DCAF7: variants seen among roughly 807,000 people sequenced by gnomAD.
The protein encoded by DCAF7 is DDB1- and CUL4-associated factor 7.
Under a neutral mutation model 41.2 loss-of-function variants are expected in DCAF7, and 4 were observed. The ratio of observed to expected loss-of-function variants is 0.10; its 90% CI spans 0.05 to 0.22. The LOEUF (loss-of-function observed/expected upper bound fraction) is 0.22. Ranked by LOEUF, DCAF7 falls within the 10% of genes least tolerant of loss-of-function variation. The pLI is 1.00. For synonymous variants in DCAF7, 143 were observed against 164.2 expected (o/e 0.87, Z 0.99); for missense variants, 131 against 443.2 (o/e 0.30, Z 6.32).
intron 1 of DCAF7, among the ~76,000 whole-genome samples, chr17:63,563,814 C>CAAATAAAT (rs138884947): frequency 5.8e-4 from 86 of 148,732 alleles, no homozygotes; most frequent in Admixed American, 1.2e-3. Flanking sequence ...GATTCTGTCT[C>CAAATAAAT]AAATAAATAA....
intron 1 of DCAF7, among the ~76,000 whole-genome samples, chr17:63,555,736 A>T (rs2033304139): frequency 2.6e-5 from 4 of 152,172 alleles, no homozygotes; most frequent in Admixed American, 2.6e-4. Flanking sequence ...CTTTTTCTAG[A>T]CAGTGAGAGG....
At chr17:63,584,451 G>A (rs1474529794) in intron 5 of DCAF7, among the ~76,000 whole-genome samples, 1 of 151,176 alleles carries the variant, frequency 6.6e-6, no homozygotes, top group Admixed American at 6.6e-5. Context: ...CTGGGAGATA[G>A]AGCAAGACTC....
intron 1 of DCAF7, among the ~76,000 whole-genome samples, chr17:63,553,833 GTTCC>G (rs1425672158): frequency 2.0e-5 from 3 of 152,212 alleles, no homozygotes; most frequent in Non-Finnish European, 4.4e-5. Flanking sequence ...ACTTCCAGGT[GTTCC>G]TTCATGTGAA....
At chr17:63,581,822 C>A (rs1331689780) in intron 4 of DCAF7, among the ~76,000 whole-genome samples, 1 of 152,194 alleles carries the variant, frequency 6.6e-6, no homozygotes, top group African/African-American at 2.4e-5. Flanking sequence ...TTTTCTCAGT[C>A]CACCTTTCTC....
intron 1 of DCAF7, among the ~76,000 whole-genome samples, chr17:63,568,866 T>G (rs1014784371): frequency 1.3e-5 from 2 of 152,344 alleles, no homozygotes; most frequent in Middle Eastern, 3.4e-3. Context: ...CAGCTTTCCC[T>G]GCAGCTCCAT....
intron 6 of DCAF7, among the ~76,000 whole-genome samples, chr17:63,586,282 A>G (rs541904988): frequency 1.8e-4 from 27 of 151,884 alleles, no homozygotes; most frequent in Admixed American, 3.9e-4. Context: ...GTGAGACCTC[A>G]TCTCTACAGA....
chr17:63,565,180 A>G (rs1182749997), intron 1 of DCAF7, among the ~76,000 whole-genome samples: 1 of 152,204 alleles, frequency 6.6e-6, no homozygotes, highest in Non-Finnish European at 1.5e-5. Context: ...AGAAAGAGAT[A>G]TCCACAACCC....
At chr17:63,577,032 G>A (rs1257348589) in intron 1 of DCAF7, among the ~76,000 whole-genome samples, 1 of 152,190 alleles carries the variant, frequency 6.6e-6, no homozygotes, top group Admixed American at 6.5e-5. Flanking sequence ...GTGTACTGAT[G>A]AAAGTAGCCA....
At chr17:63,582,351 C>T (rs1424379833) in intron 4 of DCAF7, among the ~76,000 whole-genome samples, 1 of 152,118 alleles carries the variant, frequency 6.6e-6, no homozygotes, top group Non-Finnish European at 1.5e-5. Context: ...AAATTCTAGT[C>T]GTGTCTCCCC....
chr17:63,557,786 A>G (rs2147758928), intron 1 of DCAF7, among the ~76,000 whole-genome samples: 1 of 152,386 alleles, frequency 6.6e-6, no homozygotes, highest in Admixed American at 6.5e-5. Context: ...AAAGATTTGA[A>G]GTGATAAGTT....
At chr17:63,558,326 T>C (rs2033332790) in intron 1 of DCAF7, among the ~76,000 whole-genome samples, 1 of 152,206 alleles carries the variant, frequency 6.6e-6, no homozygotes, top group African/African-American at 2.4e-5. Context: ...CATGGAGCAA[T>C]GTCTAGGAAT....
At chr17:63,579,295 G>A in intron 2 of DCAF7, 42 bp from the exon 3 acceptor site, 1 of 1,408,750 alleles carries the variant, frequency 7.1e-7, no homozygotes, top group Non-Finnish European at 9.8e-7. Context: ...TTTTTATGAG[G>A]ATAAGACTGG....
Position 63,589,264 on chromosome 17 carries a change from C to T in DCAF7, c.*92C>T, listed in dbSNP as rs914928620. 6.5e-7 allele frequency: 1 copy of T among 1,533,364 alleles called. No individual in the cohort carries two copies. The highest frequency in any genetic ancestry group is 8.9e-7 in the Non-Finnish European group (1 of 1,121,896). 95.0% of individuals were successfully genotyped at this position (1,533,364 alleles called of 1,614,324 possible). A position where few individuals can be genotyped will look rare whatever the true frequency, so the allele number is the denominator to read the frequency against. On this transcript the variant is annotated 3_prime_UTR_variant, in exon 7 of 7. Coordinates refer to ENST00000614556, the MANE Select transcript of DCAF7 (RefSeq NM_005828.5). ...TAAGAAGAAACATGTTTCCAGTGGCCAGTATGTCTTTCATTGCTTTGCACC... is the reference window on the plus strand; with the variant it reads ...TAAGAAGAAACATGTTTCCAGTGGCTAGTATGTCTTTCATTGCTTTGCACC...
At chr17:63,580,817 C>T (rs986020145) in intron 4 of DCAF7, among the ~76,000 whole-genome samples, 3 of 152,062 alleles carry the variant, frequency 2.0e-5, no homozygotes, top group African/African-American at 4.8e-5. Context: ...CCACTGCGCC[C>T]GGCCAATTGC....
At chr17:63,557,721 C>T (rs1258860586) in intron 1 of DCAF7, among the ~76,000 whole-genome samples, 6 of 152,046 alleles carry the variant, frequency 3.9e-5, no homozygotes, top group African/African-American at 1.5e-4. Flanking sequence ...TAAAGAAGAA[C>T]TTAGAAGTAA....
intron 2 of DCAF7, among the ~76,000 whole-genome samples, chr17:63,578,980 T>C (rs751314502): frequency 1.3e-5 from 2 of 152,192 alleles, no homozygotes; most frequent in Admixed American, 6.5e-5. Context: ...TGATAAAGTG[T>C]GTGAGTGGAT....
chr17:63,559,385 A>G (rs1165044171), intron 1 of DCAF7, among the ~76,000 whole-genome samples: 464 of 44,708 alleles, frequency 0.01, 14 homozygotes, highest in African/African-American at 0.037. Flanking sequence ...GTGTATATAT[A>G]TGTATATATA....
chr17:63,559,201 C>T (rs1228486544), intron 1 of DCAF7, among the ~76,000 whole-genome samples: 1 of 150,444 alleles, frequency 6.6e-6, no homozygotes, highest in African/African-American at 2.5e-5. Flanking sequence ...ATCCTCGCTA[C>T]TTGGGAGGCT....
chr17:63,584,709 C>T (rs760955517), intron 5 of DCAF7, among the ~76,000 whole-genome samples: 4 of 152,168 alleles, frequency 2.6e-5, no homozygotes, highest in African/African-American at 4.8e-5. Context: ...TTGCAGTGAG[C>T]GGAGATCATG....
Sources: allele counts gnomAD v4.1 joint callset (sites outside exome capture counted in the v4.1 genomes callset), GRCh38; gene constraint gnomAD v4.1.1; transcripts MANE v1.5; gene names NCBI Gene and HGNC (gene_info 2026-07-23, HGNC 2026-07-21).